Variants in COG6 observed in about 807,000 individuals in gnomAD.
COG6 encodes the protein conserved oligomeric Golgi complex subunit 6.
Under a neutral mutation model 88.8 loss-of-function variants are expected in COG6, and 74 were observed. The observed-to-expected ratio is 0.83, with a 90% confidence interval of 0.69 to 1.01. The LOEUF (loss-of-function observed/expected upper bound fraction) is 1.01. Ranked by LOEUF, COG6 falls within the 50% of genes least tolerant of loss-of-function variation. The pLI is 0.00. For synonymous variants in COG6, 286 were observed against 278.7 expected, an observed-to-expected ratio of 1.03 and a Z score of -0.26; for missense variants, 800 against 797.9, an observed-to-expected ratio of 1.00 and a Z score of -0.03.
chr13:39,724,432 A>G, intron 16 of COG6, 76 bp from the exon 17 acceptor site: 1 of 1,147,714 alleles, frequency 8.7e-7, no homozygotes, highest in Non-Finnish European at 1.3e-6. Flanking sequence ...AATGAACTAT[A>G]TTCAGTAAGT....
At chr13:39,722,817 A>G (rs906147184) in intron 15 of COG6, among the ~76,000 whole-genome samples, 1 of 151,934 alleles carries the variant, frequency 6.6e-6, no homozygotes, top group African/African-American at 2.4e-5. Context: ...TCTTTAGTCA[A>G]GTTTCTACTG....
intron 18 of COG6, among the ~76,000 whole-genome samples, chr13:39,729,213 A>G (rs1445301039): frequency 6.6e-6 from 1 of 152,112 alleles, no homozygotes; most frequent in African/African-American, 2.4e-5. Context: ...GCCTGTTGGG[A>G]GCACAAACCC....
chr13:39,674,121 T>C (rs1242099569), intron 4 of COG6, among the ~76,000 whole-genome samples: 1 of 152,088 alleles, frequency 6.6e-6, no homozygotes, highest in Non-Finnish European at 1.5e-5. Flanking sequence ...TGCAGGTTTG[T>C]TACATATGTA....
Position 39,719,796 on chromosome 13 carries a change from C to G in COG6, c.1553C>G (p.Thr518Ser), listed in dbSNP as rs749915481. The change falls in exon 15 of 19, where the codon ACT (threonine) becomes AGT (serine). Residue 518 changes from threonine to serine, a missense_variant. Thr to Ser is a moderately conservative substitution (Grantham distance 58). Coordinates refer to ENST00000455146, the MANE Select transcript of COG6 (RefSeq NM_020751.3). ...MKTTLALFEF[T>S]DRRLEMLQFQ... ...ACAACATTAGCTCTATTTGAATTCA[C>G]TGACAGACGTCTGGAAATGCTACAG... The G allele has an allele frequency of 6.2e-7, 1 of 1,612,280 alleles. No homozygotes were observed. Among genetic ancestry groups the G allele is most frequent in the Non-Finnish European group, 8.5e-7 (1 of 1,178,776 alleles).
At chr13:39,716,106 T>C (rs962799950) in intron 13 of COG6, among the ~76,000 whole-genome samples, 4 of 152,066 alleles carry the variant, frequency 2.6e-5, no homozygotes, top group Non-Finnish European at 4.4e-5. Flanking sequence ...AATATGTATC[T>C]CTTCACCCAA....
downstream of COG6, among the ~76,000 whole-genome samples, chr13:39,756,522 G>C (rs965921542): frequency 5.3e-5 from 8 of 152,142 alleles, no homozygotes; most frequent in African/African-American, 1.9e-4. Context: ...CATCCAAGAA[G>C]TTCACTGAGC....
chr13:39,697,389 G>T (rs540045121), intron 12 of COG6, among the ~76,000 whole-genome samples: 2 of 151,808 alleles, frequency 1.3e-5, no homozygotes, highest in African/African-American at 2.4e-5. Context: ...GAAGCAGGAC[G>T]CATGCAAGAT....
chr13:39,751,162 G>T lies in COG6; in HGVS notation c.*69G>T. 2 of 1,581,048 alleles carry T rather than the reference G, an allele frequency of 1.3e-6. No individual in the cohort carries two copies. Among genetic ancestry groups the T allele is most frequent in the South Asian group, 1.1e-5 (1 of 87,166 alleles). ...CACTGAAGGTTATTTTTTATTCTTT[G>T]AATTTTTACTCTATAATTTGATAGT... On this transcript the variant is annotated 3_prime_UTR_variant, in exon 19 of 19. Coordinates refer to ENST00000455146, the MANE Select transcript of COG6 (RefSeq NM_020751.3).
At chr13:39,662,142 A>ATTTTTTTTTT (rs10629485) in intron 3 of COG6, among the ~76,000 whole-genome samples, 2 of 130,644 alleles carry the variant, frequency 1.5e-5, no homozygotes, top group Non-Finnish European at 3.2e-5. Context: ...TGTCCTTTGT[A>ATTTTTTTTTT]TTTTTTTTTT....
intron 4 of COG6, among the ~76,000 whole-genome samples, chr13:39,669,776 T>A (rs1322773271): frequency 5.3e-5 from 8 of 152,192 alleles, no homozygotes; most frequent in African/African-American, 1.7e-4. Flanking sequence ...TTAGTAAGCC[T>A]GTGGAAGTGT....
intron 4 of COG6, among the ~76,000 whole-genome samples, chr13:39,674,720 T>A (rs1875856422): frequency 6.6e-6 from 1 of 152,190 alleles, no homozygotes; most frequent in African/African-American, 2.4e-5. Context: ...AGTAGCATGA[T>A]GAAATCTCAA....
intron 9 of COG6, 34 bp from the exon 10 acceptor site, chr13:39,687,674 A>C (rs1167090653): frequency 6.2e-7 from 1 of 1,613,832 alleles, no homozygotes; most frequent in African/African-American, 1.3e-5. Flanking sequence ...TGTTTTTCCA[A>C]AGGAAATCTT....
chr13:39,658,227 T>G (rs972350196), intron 1 of COG6, among the ~76,000 whole-genome samples: 1 of 151,968 alleles, frequency 6.6e-6, no homozygotes, highest in African/African-American at 2.4e-5. Context: ...TACTGTAGCC[T>G]TGATCTTGCT....
At chr13:39,758,796 TAATAACTGAAAATTAGA>T (rs1880925146) in intron 18 of COG6, among the ~76,000 whole-genome samples, 2 of 152,268 alleles carry the variant, frequency 1.3e-5, no homozygotes, top group South Asian at 4.1e-4. Flanking sequence ...GCAGCACTTA[TAATAACTGAAAATTAGA>T]AATAACTGAA....
At chr13:39,738,627 G>A (rs941432548) in intron 18 of COG6, among the ~76,000 whole-genome samples, 4 of 152,080 alleles carry the variant, frequency 2.6e-5, no homozygotes, top group Non-Finnish European at 5.9e-5. Context: ...GGATGAAAAA[G>A]CATGGTACAA....
intron 18 of COG6, among the ~76,000 whole-genome samples, chr13:39,781,469 C>A (rs1881629484): frequency 6.9e-6 from 1 of 144,638 alleles, no homozygotes; most frequent in African/African-American, 2.6e-5. Context: ...GTATGAGAAA[C>A]TAAATGGCTG....
chr13:39,689,748 CATT>C lies in COG6; in HGVS notation c.1010-10_1010-8del. On this transcript the variant is annotated splice_polypyrimidine_tract_variant and intron_variant, in intron 10 of 18. Transcript: ENST00000455146. ...TGGAAACAAATATTAATTATGTAGT[CATT>C]AATTTTAGGTGTTGAAGAAAATATT... The C allele has an allele frequency of 1.3e-6, 2 of 1,574,336 alleles. No individual in the cohort carries two copies. The highest frequency in any genetic ancestry group is 1.7e-6 in the Non-Finnish European group (2 of 1,146,112).
chr13:39,713,579 C>G (rs966654559), intron 13 of COG6, among the ~76,000 whole-genome samples: 1 of 151,750 alleles, frequency 6.6e-6, no homozygotes, highest in Non-Finnish European at 1.5e-5. Context: ...ACTAAAAATA[C>G]AAAAAAATTA....
chr13:39,750,348 T>C lies in COG6; in HGVS notation c.1827-598T>C, dbSNP rs142147992. Among the ~76,000 whole-genome samples, 185 of 152,304 alleles carry C rather than the reference T, an allele frequency of 1.2e-3. 1 individual carries two copies. The highest frequency in any genetic ancestry group is 4.4e-3 in the African/African-American group (181 of 41,576). On this transcript the variant is annotated intron_variant, in intron 18 of 18. Transcript: ENST00000455146. ...TTCTAGCTGGATAATTTTGTAAACA[T>C]TTGCAGGACTCATTCTTTATGTGCT...
Sources: allele counts gnomAD v4.1 joint callset (sites outside exome capture counted in the v4.1 genomes callset), GRCh38; gene constraint gnomAD v4.1.1; transcripts MANE v1.5; gene names NCBI Gene and HGNC (gene_info 2026-07-23, HGNC 2026-07-21).